Variants in ANK3 observed in about 807,000 individuals in gnomAD.
ANK3 encodes the protein ankyrin 3.
Under a neutral mutation model 370.9 loss-of-function variants are expected in ANK3, and 57 were observed. That is an observed-to-expected ratio of 0.15 (90% CI 0.12 to 0.19). ANK3 has a LOEUF of 0.19. ANK3 is among the 10% of genes least tolerant of loss of function. The probability of loss-of-function intolerance (pLI) is 1.00; values close to 1 mark genes in which losing one functional copy is unlikely to be tolerated. For missense variants in ANK3, 4,439 were observed against 5,302.1 expected, an observed-to-expected ratio of 0.84 and a Z score of 5.06; for synonymous variants, 1,929 against 1,946.3, an observed-to-expected ratio of 0.99 and a Z score of 0.23.
At chr10:60,467,692 C>T (rs1030620202) in intron 2 of ANK3, among the ~76,000 whole-genome samples, 5 of 151,896 alleles carry the variant, frequency 3.3e-5, no homozygotes, top group Admixed American at 1.3e-4. Flanking sequence ...TTATTCTTTT[C>T]GAACTAAAAA....
Position 60,279,634 on chromosome 10 carries a change from A to T in ANK3, c.120T>A (p.Asp40Glu). The T allele has an allele frequency of 1.9e-6, 3 of 1,610,002 alleles. No individual in the cohort carries two copies. Among genetic ancestry groups the T allele is most frequent in the Non-Finnish European group, 2.5e-6 (3 of 1,178,670 alleles). Reference protein sequence around the residue: ...KRSRDRKKKSDANASYLRAAR... With the variant: ...KRSRDRKKKSEANASYLRAAR... Reference sequence around the variant, plus strand: ...CTGCTCTTAAGTAACTTGCATTGGCATCAGACTAAAATAAAAAAGAAACAC... The same window carrying T: ...CTGCTCTTAAGTAACTTGCATTGGCTTCAGACTAAAATAAAAAAGAAACAC... The change falls in exon 2 of 44, where the codon GAT (aspartate) becomes GAA (glutamate). Residue 40 changes from aspartate to glutamate, a missense_variant. By Grantham distance (45) the Asp-to-Glu change is conservative. This residue lies in a region of ANK3 where 54 missense variants were observed against 52.7 expected (regional missense o/e 1.02). Transcript: ENST00000280772.
chr10:60,369,268 A>G (rs148565513), intron 1 of ANK3, among the ~76,000 whole-genome samples: 61 of 152,328 alleles, frequency 4.0e-4, no homozygotes, highest in African/African-American at 1.4e-3. Context: ...TCTCAGATTC[A>G]GTGCCACACT....
intron 1 of ANK3, among the ~76,000 whole-genome samples, chr10:60,288,700 C>G (rs532572801): frequency 1.3e-5 from 2 of 152,214 alleles, no homozygotes; most frequent in East Asian, 3.9e-4. Flanking sequence ...CCAGATAAAT[C>G]TGATTTAACT....
intron 2 of ANK3, among the ~76,000 whole-genome samples, chr10:60,550,129 T>A (rs1410563251): frequency 6.6e-6 from 1 of 152,014 alleles, no homozygotes; most frequent in East Asian, 1.9e-4. Flanking sequence ...AACAGTAAAA[T>A]CATATATAAA....
At chr10:60,496,726 T>C (rs2075666178) in intron 2 of ANK3, among the ~76,000 whole-genome samples, 1 of 117,940 alleles carries the variant, frequency 8.5e-6, no homozygotes, top group Non-Finnish European at 1.7e-5. Flanking sequence ...CATAACTTTT[T>C]GAGACCGAAA....
intron 25 of ANK3, among the ~76,000 whole-genome samples, chr10:60,125,310 G>A (rs1175565700): frequency 6.6e-6 from 1 of 152,160 alleles, no homozygotes; most frequent in Non-Finnish European, 1.5e-5. Flanking sequence ...AAAAGAAGGT[G>A]AATCAAGGTC....
intron 7 of ANK3, among the ~76,000 whole-genome samples, chr10:60,235,115 T>C (rs1255876769): frequency 2.0e-5 from 3 of 152,230 alleles, no homozygotes; most frequent in African/African-American, 7.2e-5. Context: ...GAGTGATACA[T>C]ACTGGCTAGT....
intron 2 of ANK3, among the ~76,000 whole-genome samples, chr10:60,451,715 G>C (rs1217500154): frequency 2.6e-5 from 4 of 152,202 alleles, no homozygotes; most frequent in Non-Finnish European, 2.9e-5. Context: ...CATTATGGTA[G>C]TGCTGGGCCT....
intron 1 of ANK3, among the ~76,000 whole-genome samples, chr10:60,301,381 C>T (rs2043762318): frequency 6.8e-6 from 1 of 146,320 alleles, no homozygotes; most frequent in Non-Finnish European, 1.5e-5. Context: ...CACACACACA[C>T]ATACATACAT....
chr10:60,145,550 T>C (rs2094774885), intron 23 of ANK3, among the ~76,000 whole-genome samples: 1 of 152,226 alleles, frequency 6.6e-6, no homozygotes, highest in African/African-American at 2.4e-5. Flanking sequence ...AGGCACTGTG[T>C]TTGGTGTTTT....
intron 1 of ANK3, among the ~76,000 whole-genome samples, chr10:60,322,103 G>T (rs1389860747): frequency 6.6e-6 from 1 of 152,068 alleles, no homozygotes; most frequent in East Asian, 1.9e-4. Context: ...TTATAATAAA[G>T]ACATTTGGTA....
At chr10:60,704,403 A>G (rs1198786193) in intron 1 of ANK3, among the ~76,000 whole-genome samples, 1 of 152,218 alleles carries the variant, frequency 6.6e-6, no homozygotes, top group African/African-American at 2.4e-5. Context: ...TTTAGCTTGC[A>G]TAAATAGCAG....
At chr10:60,549,968 A>C (rs2077053177) in intron 2 of ANK3, among the ~76,000 whole-genome samples, 1 of 152,140 alleles carries the variant, frequency 6.6e-6, no homozygotes, top group South Asian at 2.1e-4. Context: ...GAAGACATGG[A>C]ATGCCTTCAA....
At chr10:60,723,085 A>G (rs958511554) in intron 1 of ANK3, among the ~76,000 whole-genome samples, 30 of 152,236 alleles carry the variant, frequency 2.0e-4, no homozygotes, top group African/African-American at 6.8e-4. Context: ...CATTAAAAAT[A>G]TATCAATATT....
chr10:60,149,453 A>T (rs975148727), intron 23 of ANK3, among the ~76,000 whole-genome samples: 1 of 152,116 alleles, frequency 6.6e-6, no homozygotes, highest in Non-Finnish European at 1.5e-5. Context: ...TCAAAATTAC[A>T]ATTTGTTTGG....
intron 1 of ANK3, among the ~76,000 whole-genome samples, chr10:60,722,206 A>T (rs938634089): frequency 2.0e-5 from 3 of 152,066 alleles, no homozygotes; most frequent in African/African-American, 7.2e-5. Flanking sequence ...AAGAAATTTT[A>T]ATTATTGCTT....
chr10:60,174,423 C>A (rs1378515171), intron 18 of ANK3, among the ~76,000 whole-genome samples: 1 of 152,154 alleles, frequency 6.6e-6, no homozygotes, highest in Non-Finnish European at 1.5e-5. Context: ...GCCTGCTTTG[C>A]AGGGTTCTCC....
intron 1 of ANK3, among the ~76,000 whole-genome samples, chr10:60,364,163 G>A (rs1298476361): frequency 2.0e-5 from 3 of 151,380 alleles, no homozygotes; most frequent in Non-Finnish European, 4.4e-5. Context: ...GCATGGTGGT[G>A]GGTGCCTTTA....
Position 60,072,090 on chromosome 10 carries a change from T to C in ANK3, c.8791A>G (p.Arg2931Gly). ...VKSPSKKVLY[R>G]EYVVKEGDHP... ...TCCCCTTCTTTCACAACATATTCCCTATATAAGACTTTTTTGGAGGGAGAT... is the reference window on the plus strand; with the variant it reads ...TCCCCTTCTTTCACAACATATTCCCCATATAAGACTTTTTTGGAGGGAGAT... The change falls in exon 37 of 44, where the codon AGG becomes GGG. Residue 2931 changes from arginine (R) to glycine (G), a missense_variant. Physicochemically the swap from Arg to Gly is moderately radical, Grantham distance 125. Coordinates refer to ENST00000280772, the MANE Select transcript of ANK3 (RefSeq NM_020987.5). 1 of 1,614,040 alleles carries C rather than the reference T, an allele frequency of 6.2e-7. No individual in the cohort carries two copies. The highest frequency in any genetic ancestry group is 8.5e-7 in the Non-Finnish European group (1 of 1,180,004).
Sources: gnomAD v4.1 joint callset for allele counts (sites outside exome capture counted in the v4.1 genomes callset) on GRCh38, gnomAD v4.1.1 for gene constraint, gnomAD v4.1.1 regional missense constraint, MANE v1.5 for transcripts, NCBI Gene and HGNC (gene_info 2026-07-23, HGNC 2026-07-21) for gene names.